Variants in OSBPL3 observed in about 807,000 individuals in gnomAD.
OSBPL3 encodes oxysterol-binding protein-related protein 3.
OSBPL3 carries 65 observed loss-of-function variants against 120.1 expected under a neutral mutation model. The ratio of observed to expected loss-of-function variants is 0.54; its 90% CI spans 0.44 to 0.67. OSBPL3 has a LOEUF of 0.67. Among genes scored for constraint, OSBPL3 ranks in the 30% least tolerant of loss-of-function variants. OSBPL3 has a pLI of 0.00. For missense variants in OSBPL3, 1,004 were observed against 1,082.1 expected, an observed-to-expected ratio of 0.93 and a Z score of 1.01; for synonymous variants, 416 against 402.6, an observed-to-expected ratio of 1.03 and a Z score of -0.40.
intron 18 of OSBPL3, among the ~76,000 whole-genome samples, 164 bp downstream of exon 18, chr7:24,816,446 G>A (rs369158027): frequency 4.3e-4 from 65 of 152,102 alleles, no homozygotes; most frequent in African/African-American, 1.5e-3. Flanking sequence ...TTTTAAAAGT[G>A]AGCTTGCCAA....
chr7:24,809,761 C>T, intron 20 of OSBPL3, 46 bp downstream of exon 20: 3 of 1,598,576 alleles, frequency 1.9e-6, no homozygotes, highest in Non-Finnish European at 2.6e-6. Flanking sequence ...TCATGCCCAC[C>T]CATCCACCCA....
rs533777480 is a variant in OSBPL3 at position 24,974,154 on chromosome 7, C to A, written c.-150+5732G>T. 1.4e-4 allele frequency among the ~76,000 whole-genome samples: 22 copies of A among 152,276 alleles called. No homozygotes were observed. In the South Asian group the frequency reaches 2.9e-3, roughly 20 times the overall value. ...TAGCCACATTTTAAAGGCTGAATAG[C>A]CACATGCGACCAACGGCTGCCTGGC... On this transcript the variant is annotated intron_variant, in intron 1 of 22. Transcript: ENST00000313367.
At position 24,964,968 on chromosome 7, in the gene OSBPL3, T is replaced by C. The variant is rs530061684; in HGVS notation, c.-150+14918A>G. Among the ~76,000 whole-genome samples, 3 of 152,238 alleles carry C rather than the reference T, an allele frequency of 2.0e-5. No individual in the cohort carries two copies. Among genetic ancestry groups the C allele is most frequent in the Non-Finnish European group, 4.4e-5 (3 of 68,036 alleles). On this transcript the variant is annotated intron_variant, in intron 1 of 22. Coordinates refer to ENST00000313367, the MANE Select transcript of OSBPL3 (RefSeq NM_015550.4). The surrounding 1 kb of genome is among the most constrained non-coding windows in gnomAD (Gnocchi z 4.2). ...TTTAAAGGCAATGTTTTGGGAAGTA[T>C]TTTTAATAGGCATGTTGTATTAATT...
rs1816200897 is a variant in OSBPL3 at position 24,964,889 on chromosome 7, T to C, written c.-150+14997A>G. ...GGGGCTGTGATTAAAATAAGTAAAG[T>C]TGGACAAACATTGAGCAATACCTAA... On this transcript the variant is annotated intron_variant, in intron 1 of 22. Transcript: ENST00000313367. The surrounding 1 kb of genome is among the most constrained non-coding windows in gnomAD (Gnocchi z 4.2). Among the ~76,000 whole-genome samples the C allele has an allele frequency of 6.6e-6, 1 of 152,192 alleles. No homozygotes were observed. Among genetic ancestry groups the C allele is most frequent in the African/African-American group, 2.4e-5 (1 of 41,446 alleles).
rs774723926 is a variant in OSBPL3 at position 24,820,237 on chromosome 7, A to C, written c.1886T>G (p.Val629Gly). 2 of 1,610,986 alleles carry C rather than the reference A, an allele frequency of 1.2e-6. No homozygotes were observed. The highest frequency in any genetic ancestry group is 1.1e-5 in the South Asian group (1 of 90,716). Residue 629 changes from valine (V) to glycine (G), a missense_variant and splice_region_variant, in exon 17 of 23, where the codon GTC becomes GGC. Coordinates refer to ENST00000313367, the MANE Select transcript of OSBPL3 (RefSeq NM_015550.4). The surrounding 1 kb of genome is among the most constrained non-coding windows in gnomAD (Gnocchi z 4.6). ...DKGFQFFSEQ[V>G]SHHPPISACH... ...CGCAGAGATAGGCGGATGGTGGCTG[A>C]CCTGATGGAAACAAAGGACAGAAAA...
intron 2 of OSBPL3, among the ~76,000 whole-genome samples, chr7:24,885,776 CT>C (rs1453032867): frequency 1.3e-5 from 2 of 152,204 alleles, no homozygotes; most frequent in Non-Finnish European, 2.9e-5. Flanking sequence ...TCGTATATCC[CT>C]GCTCAGGGCC....
chr7:24,960,113 A>G (rs1815552668), intron 1 of OSBPL3, among the ~76,000 whole-genome samples: 1 of 152,216 alleles, frequency 6.6e-6, no homozygotes, highest in African/African-American at 2.4e-5. Context: ...TATATGCCTC[A>G]GCACCCAGCT....
rs916808705 is a variant in OSBPL3, at chr7:24,835,038, T to C, written c.1496-302A>G. ...ACTGGAAATTGGATTTCTATGCCTATAGTTGCTTATTGTTTATAAAAACTT... is the reference window on the plus strand; with the variant it reads ...ACTGGAAATTGGATTTCTATGCCTACAGTTGCTTATTGTTTATAAAAACTT... On this transcript the variant is annotated intron_variant, in intron 14 of 22. Coordinates refer to ENST00000313367, the MANE Select transcript of OSBPL3 (RefSeq NM_015550.4). This position sits in a 1 kb window ranked among gnomAD's most constrained non-coding sequence, Gnocchi z 4.8. Among the ~76,000 whole-genome samples the C allele has an allele frequency of 6.6e-6, 1 of 152,226 alleles. No homozygotes were observed. The highest frequency in any genetic ancestry group is 2.4e-5 in the African/African-American group (1 of 41,468).
At position 24,957,381 on chromosome 7, in the gene OSBPL3, G is replaced by C. The variant is rs374856840; in HGVS notation, c.-150+22505C>G. 7.4e-4 allele frequency among the ~76,000 whole-genome samples: 112 copies of C among 152,196 alleles called. 4 individuals are homozygous for C. Among genetic ancestry groups the C allele is most frequent in the African/African-American group, 1.9e-3 (79 of 41,536 alleles). ...TATCAAGCCCTCAATTACTTCTTTC[G>C]TAATGAATTCCAACGTTTCCACCTA... On this transcript the variant is annotated intron_variant, in intron 1 of 22. Coordinates refer to ENST00000313367, the MANE Select transcript of OSBPL3 (RefSeq NM_015550.4).
rs1483003124 is a variant in OSBPL3 at position 24,818,345 on chromosome 7, C to T, written c.1949-1657G>A. ...AGTTATATGTTCATAAAATTGTTAC[C>T]AAGAGAAAAAAAAGATAGATGGCTG... is the stretch of plus-strand genomic sequence containing the variant. On this transcript the variant is annotated intron_variant, in intron 17 of 22. Coordinates refer to ENST00000313367, the MANE Select transcript of OSBPL3 (RefSeq NM_015550.4). This position sits in a 1 kb window ranked among gnomAD's most constrained non-coding sequence, Gnocchi z 4.0. Among the ~76,000 whole-genome samples, 1 of 151,120 alleles carries T rather than the reference C, an allele frequency of 6.6e-6. No individual in the cohort carries two copies. The highest frequency in any genetic ancestry group is 1.5e-5 in the Non-Finnish European group (1 of 67,788).
At chr7:24,853,049 C>T (rs1464250847) in intron 10 of OSBPL3, among the ~76,000 whole-genome samples, 1 of 152,174 alleles carries the variant, frequency 6.6e-6, no homozygotes, top group African/African-American at 2.4e-5. Context: ...TTCTAAGGCC[C>T]CTATCCACTG....
At chr7:24,878,203 A>T (rs1247935198) in intron 2 of OSBPL3, among the ~76,000 whole-genome samples, 5 of 152,214 alleles carry the variant, frequency 3.3e-5, no homozygotes, top group Non-Finnish European at 7.3e-5. Flanking sequence ...AGCTGTTTCC[A>T]CAGGCACCTT....
rs1436545138 is a variant in OSBPL3, at chr7:24,820,501, C to A, written c.1885-263G>T. ...CCTCCGTGGGAGGGCGGCCAGGTGGCGAGTGATGAGGATAGAGGCGCATTT... is the reference window on the plus strand; with the variant it reads ...CCTCCGTGGGAGGGCGGCCAGGTGGAGAGTGATGAGGATAGAGGCGCATTT... On this transcript the variant is annotated intron_variant, in intron 16 of 22. Coordinates refer to ENST00000313367, the MANE Select transcript of OSBPL3 (RefSeq NM_015550.4). The surrounding 1 kb of genome is among the most constrained non-coding windows in gnomAD (Gnocchi z 4.6). Among the ~76,000 whole-genome samples the A allele has an allele frequency of 1.3e-5, 2 of 151,796 alleles. No individual in the cohort carries two copies. The highest frequency in any genetic ancestry group is 2.9e-5 in the Non-Finnish European group (2 of 67,992).
In OSBPL3 at chr7:24,849,061, C is replaced by A. The variant is rs898073739; in HGVS notation, c.1266+8G>T. On this transcript the variant is annotated splice_region_variant and intron_variant, in intron 12 of 22. Transcript: ENST00000313367. The surrounding 1 kb of genome is among the most constrained non-coding windows in gnomAD (Gnocchi z 5.4). ...GGGGAGACATTACCAGACGAGAAACCTACCCACCTCTGCCAGATTGTCACC... is the reference window on the plus strand; with the variant it reads ...GGGGAGACATTACCAGACGAGAAACATACCCACCTCTGCCAGATTGTCACC... The A allele has an allele frequency of 6.2e-7, 1 of 1,605,512 alleles. No homozygotes were observed. Among genetic ancestry groups the A allele is most frequent in the African/African-American group, 1.3e-5 (1 of 74,720 alleles).
At chr7:24,981,237 G>A (rs1181000791), upstream of OSBPL3, among the ~76,000 whole-genome samples, 1 of 152,240 alleles carries the variant, frequency 6.6e-6, no homozygotes, top group Admixed American at 6.5e-5. The surrounding 1 kb of genome is among the most constrained non-coding windows in gnomAD (Gnocchi z 7.3). Flanking sequence ...TTTAGCGCGT[G>A]ATGGGGCGCT....
intron 6 of OSBPL3, among the ~76,000 whole-genome samples, chr7:24,865,778 T>G (rs1801226688): frequency 6.6e-6 from 1 of 152,156 alleles, no homozygotes; most frequent in Admixed American, 6.5e-5. Flanking sequence ...CTACTGTAGT[T>G]TACAACCAGA....
chr7:24,862,035 C>T lies in OSBPL3; in HGVS notation c.871-266G>A, dbSNP rs536176293. On this transcript the variant is annotated intron_variant, in intron 9 of 22. Transcript: ENST00000313367. The surrounding 1 kb of genome is among the most constrained non-coding windows in gnomAD (Gnocchi z 4.4). ...CCAAGTAGCTGGGACTACAGGCGCC[C>T]GCCACCACGCCCGGCTAATTTTTTG... Among the ~76,000 whole-genome samples, 5 of 152,024 alleles carry T rather than the reference C, an allele frequency of 3.3e-5. No individual in the cohort carries two copies. The highest frequency in any genetic ancestry group is 5.9e-5 in the Non-Finnish European group (4 of 67,964).
At chr7:24,874,329 GTTTGT>G (rs1002385999) in intron 2 of OSBPL3, among the ~76,000 whole-genome samples, 79 of 152,208 alleles carry the variant, frequency 5.2e-4, no homozygotes, top group African/African-American at 1.8e-3. Flanking sequence ...CTTTTGATTT[GTTTGT>G]TTTAAGACTC....
chr7:24,861,743 T>C lies in OSBPL3; in HGVS notation c.897A>G (p.Val299=). The C allele has an allele frequency of 6.3e-7, 1 of 1,599,678 alleles. No homozygotes were observed. Among genetic ancestry groups the C allele is most frequent in the Non-Finnish European group, 8.5e-7 (1 of 1,174,918 alleles). ...AATTAGGATTGGAGGAGTGTAGTCT[T>C]ACTGGGCCAGAAAAAGGTTTCGGGA... ...LQVPKPFSGP[V]RLHSSNPNLS... The change falls in exon 10 of 23, where the codon GTA becomes GTG. Residue 299 remains valine (V), a synonymous_variant. Coordinates refer to ENST00000313367, the MANE Select transcript of OSBPL3 (RefSeq NM_015550.4).
Sources: allele counts gnomAD v4.1 joint callset (sites outside exome capture counted in the v4.1 genomes callset), GRCh38; gene constraint gnomAD v4.1.1; non-coding constraint Gnocchi (gnomAD v3.1); transcripts MANE v1.5; gene names NCBI Gene and HGNC (gene_info 2026-07-23, HGNC 2026-07-21).